SIK3: variants seen among roughly 807,000 people sequenced by gnomAD.
SIK3 encodes SIK family kinase 3, also known as serine/threonine-protein kinase SIK3.
A neutral mutation model predicts 144.2 loss-of-function variants in SIK3; 28 were observed. That is an observed-to-expected ratio of 0.19 (90% CI 0.14 to 0.27). SIK3 has a LOEUF of 0.27. Among genes scored for constraint, SIK3 ranks in the 10% least tolerant of loss-of-function variants. The pLI is 1.00. For missense variants in SIK3, 1,319 were observed against 1,776.0 expected (o/e 0.74, Z 4.62); for synonymous variants, 686 against 676.3 (o/e 1.01, Z -0.22).
chr11:116,891,781 G>A (rs1277963591), intron 6 of SIK3, among the ~76,000 whole-genome samples: 1 of 152,140 alleles, frequency 6.6e-6, no homozygotes, highest in Non-Finnish European at 1.5e-5. Flanking sequence ...ATAGATTAGA[G>A]GGGGACAAGA....
chr11:116,972,253 C>T (rs1169369190), intron 1 of SIK3, among the ~76,000 whole-genome samples: 3 of 152,068 alleles, frequency 2.0e-5, no homozygotes, highest in African/African-American at 4.8e-5. Context: ...AGGCAGGAAT[C>T]GAAGCCAGAC....
At chr11:116,959,261 G>C (rs1163077744) in intron 1 of SIK3, among the ~76,000 whole-genome samples, 1 of 152,094 alleles carries the variant, frequency 6.6e-6, no homozygotes, top group Non-Finnish European at 1.5e-5. Context: ...TTGATCCCGG[G>C]AGCTGAAGTT....
chr11:116,876,832 G>T, intron 7 of SIK3, 92 bp downstream of exon 7: 1 of 1,013,244 alleles, frequency 9.9e-7, no homozygotes, highest in Non-Finnish European at 1.6e-6. Context: ...CCCAGTGTCC[G>T]CCTTTCAGGT....
chr11:116,899,090 T>G (rs1319081668), intron 4 of SIK3, among the ~76,000 whole-genome samples: 3 of 152,126 alleles, frequency 2.0e-5, no homozygotes, highest in African/African-American at 7.2e-5. Flanking sequence ...TCTTCTAGGG[T>G]TTTTATGGTT....
chr11:116,911,455 C>T (rs938838543), intron 4 of SIK3, among the ~76,000 whole-genome samples: 7 of 151,624 alleles, frequency 4.6e-5, no homozygotes, highest in Non-Finnish European at 8.8e-5. Context: ...TGCAGTGACC[C>T]GAGATGGTGG....
intron 4 of SIK3, among the ~76,000 whole-genome samples, chr11:116,916,926 G>A (rs1352572698): frequency 2.0e-5 from 3 of 149,480 alleles, no homozygotes; most frequent in African/African-American, 4.9e-5. Flanking sequence ...GCGACAGAGC[G>A]AGACCTCATC....
chr11:116,897,090 T>C, intron 5 of SIK3, 103 bp downstream of exon 5: 1 of 1,140,966 alleles, frequency 8.8e-7, no homozygotes, highest in Non-Finnish European at 1.2e-6. Flanking sequence ...GTGACCAGGA[T>C]CTCAATTCAT....
At chr11:116,952,984 C>T (rs189352800) in intron 3 of SIK3, among the ~76,000 whole-genome samples, 161 of 152,058 alleles carry the variant, frequency 1.1e-3, no homozygotes, top group Admixed American at 3.9e-3. Flanking sequence ...ATATACAAAG[C>T]CAATTAAATA....
intron 4 of SIK3, among the ~76,000 whole-genome samples, chr11:116,900,872 T>A (rs1462577592): frequency 1.3e-5 from 2 of 151,608 alleles, no homozygotes; most frequent in African/African-American, 2.4e-5. Flanking sequence ...TTTATTTTTT[T>A]TTTTTTTTTG....
At chr11:116,971,700 T>C (rs1949768023) in intron 1 of SIK3, among the ~76,000 whole-genome samples, 2 of 152,222 alleles carry the variant, frequency 1.3e-5, no homozygotes, top group Non-Finnish European at 2.9e-5. Flanking sequence ...CCAATCACCG[T>C]ATCATTTCAT....
rs531602546 is a variant in SIK3 at position 117,041,473 on chromosome 11, A to G, written c.273+56670T>C. Reference sequence around the variant, plus strand: ...CTATATATTCCCAAACTTATTTAATAAAAAAAATCCTTTTCCTCCTAATAT... The same window carrying G: ...CTATATATTCCCAAACTTATTTAATGAAAAAAATCCTTTTCCTCCTAATAT... On this transcript the variant is annotated intron_variant, in intron 1 of 24. Coordinates refer to ENST00000445177, the MANE Select transcript of SIK3 (RefSeq NM_001366686.3). Among the ~76,000 whole-genome samples the G allele has an allele frequency of 2.6e-5, 4 of 152,206 alleles. No homozygotes were observed. The South Asian group carries it at 8.3e-4, about 32-fold the overall frequency.
At chr11:117,030,603 C>G (rs1053388334) in intron 1 of SIK3, among the ~76,000 whole-genome samples, 1 of 152,136 alleles carries the variant, frequency 6.6e-6, no homozygotes, top group Non-Finnish European at 1.5e-5. Context: ...ATTGAGATCA[C>G]ATGTGGTTTT....
Position 116,976,420 on chromosome 11 carries a change from G to A in SIK3, c.274-19356C>T, listed in dbSNP as rs60555071. On this transcript the variant is annotated intron_variant, in intron 1 of 24. Transcript: ENST00000445177. Reference sequence around the variant, plus strand: ...ATTTTTGCATATGGTATAAAGCAAAGGTCCAACTTCATTCTTTTGAACATG... The same window carrying A: ...ATTTTTGCATATGGTATAAAGCAAAAGTCCAACTTCATTCTTTTGAACATG... Among the ~76,000 whole-genome samples, 1,167 of 152,308 alleles carry A rather than the reference G, an allele frequency of 7.7e-3. 14 individuals are homozygous for A. The highest frequency in any genetic ancestry group is 0.024 in the African/African-American group (1,001 of 41,568).
At chr11:116,999,544 T>C (rs1950781006) in intron 1 of SIK3, among the ~76,000 whole-genome samples, 1 of 152,140 alleles carries the variant, frequency 6.6e-6, no homozygotes, top group Admixed American at 6.5e-5. Flanking sequence ...TGAGATCTCT[T>C]TTCATTTTCA....
At chr11:116,979,215 C>A (rs1950056838) in intron 1 of SIK3, among the ~76,000 whole-genome samples, 1 of 152,158 alleles carries the variant, frequency 6.6e-6, no homozygotes, top group Non-Finnish European at 1.5e-5. Flanking sequence ...AGGAGATAGA[C>A]AGTTCCTTGC....
Position 116,858,496 on chromosome 11 carries a change from T to A in SIK3, c.2969A>T (p.Tyr990Phe). 1 of 1,610,572 alleles carries A rather than the reference T, an allele frequency of 6.2e-7. No individual in the cohort carries two copies. The highest frequency in any genetic ancestry group is 1.3e-5 in the African/African-American group (1 of 74,982). The change falls in exon 21 of 25, where the codon TAT becomes TTT. Residue 990 changes from tyrosine (Y) to phenylalanine (F), a missense_variant. Physicochemically the swap from Tyr to Phe is conservative, Grantham distance 22 (BLOSUM62 3). Around this residue, in one of 8 missense-constraint regions of SIK3, gnomAD observed 646 missense variants for 763.7 expected, o/e 0.85. Transcript: ENST00000445177. This position sits in a 1 kb window ranked among gnomAD's most constrained non-coding sequence, Gnocchi z 5.4. ...PPSAHQQPPH[Y>F]TTSALQQALL... ...GGCCTGCTGTAGTGCCGACGTGGTA[T>A]AGTGTGGCGGCTGCTGATGTGCACT...
In SIK3 at chr11:116,881,935, A is replaced by C. The variant is rs375761975; in HGVS notation, c.866-4893T>G. ...ATCAGAGAAGTTGAGAAACTTGATC[A>C]GATAATAAGAGGCCAAAGCAGAATA... On this transcript the variant is annotated intron_variant, in intron 6 of 24. Transcript: ENST00000445177. Among the ~76,000 whole-genome samples, 23 of 151,484 alleles carry C rather than the reference A, an allele frequency of 1.5e-4. No homozygotes were observed. In the East Asian group the frequency reaches 2.5e-3, roughly 17 times the overall value.
intron 1 of SIK3, among the ~76,000 whole-genome samples, chr11:116,975,550 T>C (rs74927399): frequency 0.072 from 11,036 of 152,298 alleles, 494 homozygotes; most frequent in Middle Eastern, 0.11. Flanking sequence ...ACTTCATTAC[T>C]TTTTATTGCC....
intron 4 of SIK3, among the ~76,000 whole-genome samples, chr11:116,915,365 T>C (rs1946578581): frequency 6.6e-6 from 1 of 152,142 alleles, no homozygotes; most frequent in Non-Finnish European, 1.5e-5. Flanking sequence ...TGAATACTTT[T>C]CATGACCTAG....
Sources: gnomAD v4.1 joint callset for allele counts (sites outside exome capture counted in the v4.1 genomes callset) on GRCh38, gnomAD v4.1.1 for gene constraint, gnomAD v4.1.1 regional missense constraint, Gnocchi (gnomAD v3.1) non-coding constraint, MANE v1.5 for transcripts, NCBI Gene and HGNC (gene_info 2026-07-23, HGNC 2026-07-21) for gene names.